The following ZFYVE28 variants were observed in gnomAD, a reference collection of about 807,000 sequenced individuals.
The protein encoded by ZFYVE28 is lateral signaling target protein 2 homolog.
A neutral mutation model predicts 82.1 loss-of-function variants in ZFYVE28; 40 were observed. The ratio of observed to expected loss-of-function variants is 0.49; its 90% CI spans 0.38 to 0.63. ZFYVE28 has a LOEUF of 0.63. Among genes scored for constraint, ZFYVE28 ranks in the 30% least tolerant of loss-of-function variants. The probability of loss-of-function intolerance (pLI) is 0.00; values close to 1 mark genes in which losing one functional copy is unlikely to be tolerated. For synonymous variants in ZFYVE28, 612 were observed against 546.1 expected, an observed-to-expected ratio of 1.12 and a Z score of -1.68; for missense variants, 1,321 against 1,242.1, an observed-to-expected ratio of 1.06 and a Z score of -0.96.
At chr4:2,333,378 G>A (rs1721037633) in intron 6 of ZFYVE28, among the ~76,000 whole-genome samples, 2 of 151,006 alleles carry the variant, frequency 1.3e-5, no homozygotes, top group African/African-American at 2.4e-5. Context: ...GAGGAGCAGA[G>A]GTTTGGCCAC....
At position 2,337,988 on chromosome 4, in the gene ZFYVE28, G is replaced by A. The variant is rs114090034; in HGVS notation, c.522-492C>T. Among the ~76,000 whole-genome samples, 934 of 152,310 alleles carry A rather than the reference G, an allele frequency of 6.1e-3. 1 individual carries two copies. The highest frequency in any genetic ancestry group is 0.02 in the Middle Eastern group (6 of 294). On this transcript the variant is annotated intron_variant, in intron 4 of 12. Coordinates refer to ENST00000290974, the MANE Select transcript of ZFYVE28 (RefSeq NM_020972.3). ...CTTGAAACCCCAGCCCTGCCCATGC[G>A]GGACAGTTGTGCCAGCTCCCAGGGC...
At chr4:2,291,233 C>G (rs966352852) in intron 8 of ZFYVE28, among the ~76,000 whole-genome samples, 1 of 152,232 alleles carries the variant, frequency 6.6e-6, no homozygotes, top group African/African-American at 2.4e-5. Context: ...GGTTGAAACC[C>G]GCTTCCTCTT....
At chr4:2,356,890 T>A (rs936781882) in intron 1 of ZFYVE28, among the ~76,000 whole-genome samples, 1 of 152,102 alleles carries the variant, frequency 6.6e-6, no homozygotes, top group Non-Finnish European at 1.5e-5. Context: ...CAAAGGTCAT[T>A]TTTTTTGAGA....
At chr4:2,308,418 T>C (rs1229035888) in intron 7 of ZFYVE28, among the ~76,000 whole-genome samples, 1 of 151,184 alleles carries the variant, frequency 6.6e-6, no homozygotes, top group African/African-American at 2.4e-5. Flanking sequence ...ACAGACAACG[T>C]TCTGCTGCTG....
At chr4:2,302,470 CAA>C (rs1715707686) in intron 8 of ZFYVE28, among the ~76,000 whole-genome samples, 1 of 152,204 alleles carries the variant, frequency 6.6e-6, no homozygotes, top group African/African-American at 2.4e-5. Context: ...AAGGACAAAA[CAA>C]AGACAATGAC....
intron 8 of ZFYVE28, among the ~76,000 whole-genome samples, chr4:2,277,668 C>G (rs984527649): frequency 6.6e-6 from 1 of 152,052 alleles, no homozygotes; most frequent in African/African-American, 2.4e-5. Flanking sequence ...AACAACAAAA[C>G]ATTGTTGAAA....
At chr4:2,325,001 A>C (rs1316907502) in intron 6 of ZFYVE28, 1 of 160,984 alleles carries the variant, frequency 6.2e-6, no homozygotes, top group East Asian at 1.5e-4. Flanking sequence ...GTTCAGCCTG[A>C]TCAAGAATAT....
chr4:2,295,155 C>T (rs185318531), intron 8 of ZFYVE28, among the ~76,000 whole-genome samples: 63 of 131,744 alleles, frequency 4.8e-4, no homozygotes, highest in African/African-American at 1.7e-3. Flanking sequence ...AAGCCATTTA[C>T]AACATTTTTT....
intron 1 of ZFYVE28, among the ~76,000 whole-genome samples, chr4:2,400,216 T>C (rs1731028152): frequency 1.3e-5 from 2 of 152,336 alleles, no homozygotes; most frequent in Admixed American, 1.3e-4. Context: ...ATGAAAGGTC[T>C]TGGGGTTACC....
At chr4:2,401,826 T>G (rs1731216441) in intron 1 of ZFYVE28, among the ~76,000 whole-genome samples, 1 of 152,136 alleles carries the variant, frequency 6.6e-6, no homozygotes, top group Non-Finnish European at 1.5e-5. Flanking sequence ...GGGGTCCCAG[T>G]GGTAGCGGGG....
chr4:2,305,674 A>C, intron 7 of ZFYVE28, 138 bp from the exon 8 acceptor site: 121 of 1,062,490 alleles, frequency 1.1e-4, no homozygotes, highest in Middle Eastern at 2.1e-4. Context: ...CTGAATTCTC[A>C]AGGCACCAGC....
At chr4:2,377,556 G>T (rs527838598) in intron 1 of ZFYVE28, among the ~76,000 whole-genome samples, 1 of 152,244 alleles carries the variant, frequency 6.6e-6, no homozygotes, top group East Asian at 1.9e-4. Context: ...CTTGCCTTCT[G>T]CCCCTTCACT....
rs534197457 is a variant in ZFYVE28 at position 2,321,415 on chromosome 4, T to G, written c.702-1144A>C. Among the ~76,000 whole-genome samples, 121 of 152,224 alleles carry G rather than the reference T, an allele frequency of 7.9e-4. No individual in the cohort carries two copies. The Middle Eastern group carries it at 0.01, about 13-fold the overall frequency. The stretch of plus-strand genomic sequence containing the variant: ...GGGTTTCATGTGCAAAAAGAAGATT[T>G]GAAAGTCACAGGAAAAGTATGTGCA... On this transcript the variant is annotated intron_variant, in intron 6 of 12. Transcript: ENST00000290974.
At chr4:2,271,219 C>G in intron 12 of ZFYVE28, 92 bp downstream of exon 12, 4 of 1,345,416 alleles carry the variant, frequency 3.0e-6, no homozygotes, top group Non-Finnish European at 4.1e-6. Context: ...CGCTGGCCTC[C>G]CTGGGCATCG....
At chr4:2,292,306 C>A (rs932421705) in intron 8 of ZFYVE28, among the ~76,000 whole-genome samples, 2 of 152,200 alleles carry the variant, frequency 1.3e-5, no homozygotes, top group African/African-American at 2.4e-5. Context: ...ACATCTTCGT[C>A]CAGGCAGCCA....
chr4:2,357,868 C>A (rs1725567699), intron 1 of ZFYVE28, among the ~76,000 whole-genome samples: 2 of 152,214 alleles, frequency 1.3e-5, no homozygotes, highest in South Asian at 4.1e-4. Context: ...TGCCCTGGCA[C>A]CAAAAACCTC....
rs137905806 is a variant in ZFYVE28 at position 2,312,453 on chromosome 4, G to T, written c.804-6917C>A. Among the ~76,000 whole-genome samples, 140 of 152,290 alleles carry T rather than the reference G, an allele frequency of 9.2e-4. 3 individuals are homozygous for T. In the East Asian group the frequency reaches 0.026, roughly 28 times the overall value. ...TTATTTAGAAGTGTTTTGGGGCCGGGCGCGGTGGCTCACGCCTGTAATCAT... is the reference window on the plus strand; with the variant it reads ...TTATTTAGAAGTGTTTTGGGGCCGGTCGCGGTGGCTCACGCCTGTAATCAT... On this transcript the variant is annotated intron_variant, in intron 7 of 12. Coordinates refer to ENST00000290974, the MANE Select transcript of ZFYVE28 (RefSeq NM_020972.3).
At position 2,332,331 on chromosome 4, in the gene ZFYVE28, CCCCTGGTCCTTGCTCGAG is replaced by C. The variant is rs1720841301; in HGVS notation, c.701+3356_701+3373del. Among the ~76,000 whole-genome samples, 1 of 152,150 alleles carries C rather than the reference CCCCTGGTCCTTGCTCGAG, an allele frequency of 6.6e-6. No homozygotes were observed. The highest frequency in any genetic ancestry group is 6.5e-5 in the Admixed American group (1 of 15,280). The stretch of plus-strand genomic sequence containing the variant: ...TCATTTCTGCAGAAGTTCCTGCGGC[CCCCTGGTCCTTGCTCGAG>C]CCCTGGACTTGCCCCTGAGCATACA... On this transcript the variant is annotated intron_variant, in intron 6 of 12. Transcript: ENST00000290974. This position sits in a 1 kb window ranked among gnomAD's most constrained non-coding sequence, Gnocchi z 4.7.
At chr4:2,288,533 AG>A (rs1265526238) in intron 8 of ZFYVE28, among the ~76,000 whole-genome samples, 2 of 152,214 alleles carry the variant, frequency 1.3e-5, no homozygotes, top group African/African-American at 2.4e-5. Context: ...TGCTGCTCCA[AG>A]GGGAGGTCCT....
Sources: gnomAD v4.1 joint callset for allele counts (sites outside exome capture counted in the v4.1 genomes callset) on GRCh38, gnomAD v4.1.1 for gene constraint, Gnocchi (gnomAD v3.1) non-coding constraint, MANE v1.5 for transcripts, NCBI Gene and HGNC (gene_info 2026-07-23, HGNC 2026-07-21) for gene names.